TMEM200A: variants seen among roughly 807,000 people sequenced by gnomAD.
The protein encoded by TMEM200A is transmembrane protein 200A.
A neutral mutation model predicts 24.3 loss-of-function variants in TMEM200A; 12 were observed. The observed-to-expected ratio is 0.49, with a 90% confidence interval of 0.32 to 0.80. The LOEUF is 0.80. Ranked by LOEUF, TMEM200A falls within the 30% of genes least tolerant of loss-of-function variation. The probability of loss-of-function intolerance (pLI) is 0.04; values close to 1 mark genes in which losing one functional copy is unlikely to be tolerated. For missense variants in TMEM200A, 545 were observed against 614.4 expected, an observed-to-expected ratio of 0.89 and a Z score of 1.19; for synonymous variants, 224 against 224.4, an observed-to-expected ratio of 1.00 and a Z score of 0.02.
At chr6:130,422,643 G>A (rs769144641) in intron 2 of TMEM200A, among the ~76,000 whole-genome samples, 9 of 152,028 alleles carry the variant, frequency 5.9e-5, no homozygotes, top group Admixed American at 1.3e-4. Context: ...CATAATACTC[G>A]TGTCTTTTAT....
intron 2 of TMEM200A, among the ~76,000 whole-genome samples, chr6:130,426,922 A>T (rs1779757944): frequency 6.6e-6 from 1 of 152,228 alleles, no homozygotes; most frequent in African/African-American, 2.4e-5. Flanking sequence ...GGTGTTGTCC[A>T]AGTGGGTAGA....
At position 130,394,182 on chromosome 6, in the gene TMEM200A, T is replaced by C. The variant is rs573455107; in HGVS notation, c.-17+8946T>C. On this transcript the variant is annotated intron_variant, in intron 2 of 2. Transcript: ENST00000296978. ...TCAGATTTGGATCTTGATTGTTCTA[T>C]ATTGAGGGAGCCAACATCCTTCTCC... Among the ~76,000 whole-genome samples, 3 of 152,314 alleles carry C rather than the reference T, an allele frequency of 2.0e-5. No homozygotes were observed. The South Asian group carries it at 6.2e-4, about 32-fold the overall frequency.
Position 130,442,079 on chromosome 6 carries a change from T to A in TMEM200A, c.*181T>A, listed in dbSNP as rs550326676. The A allele has an allele frequency of 8.8e-5, 46 of 520,468 alleles. No homozygotes were observed. In the East Asian group the frequency reaches 1.4e-3, roughly 15 times the overall value. 32.2% of individuals were successfully genotyped at this position (520,468 alleles called of 1,614,324 possible). A position where few individuals can be genotyped will look rare whatever the true frequency, so the allele number is the denominator to read the frequency against. On this transcript the variant is annotated 3_prime_UTR_variant, in exon 3 of 3. Transcript: ENST00000296978. ...TTTGGGTTACTTGTGACTGCAGTAC[T>A]CTATGTTACCACACATGATTTTATT...
At chr6:130,384,796 G>A (rs998463514) in intron 1 of TMEM200A, among the ~76,000 whole-genome samples, 8 of 152,104 alleles carry the variant, frequency 5.3e-5, no homozygotes, top group African/African-American at 1.9e-4. Context: ...CAATGAACTG[G>A]TCAATGGGTA....
intron 1 of TMEM200A, among the ~76,000 whole-genome samples, chr6:130,369,951 C>T (rs1583167435): frequency 6.6e-6 from 1 of 152,316 alleles, no homozygotes; most frequent in Non-Finnish European, 1.5e-5. Context: ...AAGGGAGTTA[C>T]TCAGGATTCA....
intron 2 of TMEM200A, among the ~76,000 whole-genome samples, chr6:130,424,310 A>G (rs1042420400): frequency 2.0e-5 from 3 of 152,134 alleles, no homozygotes; most frequent in Admixed American, 6.6e-5. Context: ...GAAATGGAGC[A>G]ATTTTTCCTC....
At chr6:130,421,783 A>G (rs974808832) in intron 2 of TMEM200A, among the ~76,000 whole-genome samples, 5 of 152,096 alleles carry the variant, frequency 3.3e-5, no homozygotes, top group African/African-American at 9.7e-5. Flanking sequence ...GAGATCATAC[A>G]GTATTTTTCT....
chr6:130,399,927 C>T (rs912251199), intron 2 of TMEM200A, among the ~76,000 whole-genome samples: 4 of 151,948 alleles, frequency 2.6e-5, no homozygotes, highest in African/African-American at 7.2e-5. Flanking sequence ...TCAGTGAGAA[C>T]ATACAATGTT....
Position 130,423,405 on chromosome 6 carries a change from T to C in TMEM200A, c.-16-17002T>C, listed in dbSNP as rs181545215. Among the ~76,000 whole-genome samples the C allele has an allele frequency of 1.7e-3, 257 of 152,302 alleles. 1 individual carries two copies. In the Middle Eastern group the frequency reaches 0.031, roughly 18 times the overall value. On this transcript the variant is annotated intron_variant, in intron 2 of 2. Coordinates refer to ENST00000296978, the MANE Select transcript of TMEM200A (RefSeq NM_001258277.2). ...CTGAACATTTCTTCCTGTCACTAAA[T>C]GATTTCTTACATTTAAATGATTACA...
chr6:130,441,447 G>A lies in TMEM200A; in HGVS notation c.1025G>A (p.Ser342Asn). 2 of 1,614,048 alleles carry A rather than the reference G, an allele frequency of 1.2e-6. No individual in the cohort carries two copies. Among genetic ancestry groups the A allele is most frequent in the South Asian group, 2.2e-5 (2 of 91,080 alleles). Residue 342 changes from serine to asparagine, a missense_variant, in exon 3 of 3, where the codon AGC (serine) becomes AAC (asparagine). Ser to Asn is a conservative substitution (Grantham distance 46). Transcript: ENST00000296978. ...ACCAGTGAATCCTTCCAGCCCGTCA[G>A]CACAGTGCTACCAAGGAATAATTCC... ...PNTSESFQPVSTVLPRNNSIG... is the reference protein window; with the variant it reads ...PNTSESFQPVNTVLPRNNSIG...
chr6:130,428,030 T>C (rs1779789035), intron 2 of TMEM200A, among the ~76,000 whole-genome samples: 1 of 152,170 alleles, frequency 6.6e-6, no homozygotes, highest in Non-Finnish European at 1.5e-5. Context: ...ATGTATGGTG[T>C]TTTTACAAAC....
chr6:130,392,237 T>C (rs1458760317), intron 2 of TMEM200A, among the ~76,000 whole-genome samples: 1 of 152,240 alleles, frequency 6.6e-6, no homozygotes, highest in African/African-American at 2.4e-5. Context: ...AATGAGGTAA[T>C]GCATATAAAT....
chr6:130,415,905 ATTC>A (rs1583212410), intron 2 of TMEM200A, among the ~76,000 whole-genome samples: 5 of 152,286 alleles, frequency 3.3e-5, no homozygotes, highest in South Asian at 2.1e-4. Flanking sequence ...GATACTTTGA[ATTC>A]TTCTTTCAGG....
At chr6:130,426,991 T>G (rs547472289) in intron 2 of TMEM200A, among the ~76,000 whole-genome samples, 5 of 152,336 alleles carry the variant, frequency 3.3e-5, no homozygotes, top group East Asian at 1.9e-4. Flanking sequence ...TTTCCTGAAC[T>G]TATCATTTAG....
chr6:130,395,323 G>A (rs965853411), intron 2 of TMEM200A, among the ~76,000 whole-genome samples: 5 of 152,160 alleles, frequency 3.3e-5, no homozygotes, highest in African/African-American at 7.2e-5. Context: ...CTTAGTTGAA[G>A]AGCCCGTGTC....
At chr6:130,423,986 A>G (rs149479977) in intron 2 of TMEM200A, among the ~76,000 whole-genome samples, 2,780 of 152,294 alleles carry the variant, frequency 0.018, 23 homozygotes, top group Non-Finnish European at 0.027. Flanking sequence ...GTTATCAAAG[A>G]CAGGGCACTG....
At chr6:130,395,758 T>C (rs1253383270) in intron 2 of TMEM200A, among the ~76,000 whole-genome samples, 1 of 152,230 alleles carries the variant, frequency 6.6e-6, no homozygotes, top group African/African-American at 2.4e-5. Context: ...TTGCGTTATG[T>C]ATCCAAGAAG....
chr6:130,405,162 T>A (rs1027034682), intron 2 of TMEM200A, among the ~76,000 whole-genome samples: 11 of 152,184 alleles, frequency 7.2e-5, no homozygotes, highest in Admixed American at 6.5e-4. Flanking sequence ...TCCATATGAA[T>A]TTAAAAATTT....
Position 130,442,612 on chromosome 6 carries a change from A to T in TMEM200A, c.*714A>T. The T allele has an allele frequency of 6.0e-6, 1 of 166,934 alleles. No homozygotes were observed. The allele number at this position is 166,934 out of a possible 1,614,324, so 10.3% of individuals were successfully genotyped here. A position where few individuals can be genotyped will look rare whatever the true frequency, so the allele number is the denominator to read the frequency against. ...ATAACGTTAGATACTCGGAATCAAAATTTATTTGCAAGCTGACTTGATAAA... is the reference window on the plus strand; with the variant it reads ...ATAACGTTAGATACTCGGAATCAAATTTTATTTGCAAGCTGACTTGATAAA... On this transcript the variant is annotated 3_prime_UTR_variant, in exon 3 of 3. Coordinates refer to ENST00000296978, the MANE Select transcript of TMEM200A (RefSeq NM_001258277.2).
Sources: allele counts gnomAD v4.1 joint callset (sites outside exome capture counted in the v4.1 genomes callset), GRCh38; gene constraint gnomAD v4.1.1; transcripts MANE v1.5; gene names NCBI Gene and HGNC (gene_info 2026-07-23, HGNC 2026-07-21).